The following ZNF407 variants were observed in gnomAD, a reference collection of about 807,000 sequenced individuals.
The protein encoded by ZNF407 is zinc finger protein 407.
A neutral mutation model predicts 131.2 loss-of-function variants in ZNF407; 17 were observed. That is an observed-to-expected ratio of 0.13 (90% CI 0.09 to 0.19). The LOEUF (loss-of-function observed/expected upper bound fraction) is 0.19, where lower values mean the gene tolerates loss of function less well. ZNF407 is among the 10% of genes least tolerant of loss of function. The probability of loss-of-function intolerance (pLI) is 1.00; values close to 1 mark genes in which losing one functional copy is unlikely to be tolerated. For missense variants in ZNF407, 2,681 were observed against 2,830.6 expected, an observed-to-expected ratio of 0.95 and a Z score of 1.20; for synonymous variants, 1,156 against 1,062.0, an observed-to-expected ratio of 1.09 and a Z score of -1.72.
At chr18:74,705,650 G>A (rs528821220) in intron 3 of ZNF407, among the ~76,000 whole-genome samples, 1 of 152,282 alleles carries the variant, frequency 6.6e-6, no homozygotes, top group Admixed American at 6.5e-5. Flanking sequence ...TTATGTTGAT[G>A]AAATTGGATT....
At position 74,664,266 on chromosome 18, in the gene ZNF407, G is replaced by A. The variant is rs1417267149; in HGVS notation, c.4802+23144G>A. On this transcript the variant is annotated intron_variant, in intron 3 of 8. Transcript: ENST00000299687. ...CCTATAATCAGCACTTCGGGAGGCC[G>A]AGGCGAGTGGATCACCTGAGGTCAG... is the stretch of plus-strand genomic sequence containing the variant. Among the ~76,000 whole-genome samples, 6 of 152,322 alleles carry A rather than the reference G, an allele frequency of 3.9e-5. No homozygotes were observed. The East Asian group carries it at 5.8e-4, about 15-fold the overall frequency.
intron 3 of ZNF407, among the ~76,000 whole-genome samples, chr18:74,649,599 T>C (rs1421758415): frequency 6.6e-6 from 1 of 152,206 alleles, no homozygotes; most frequent in Non-Finnish European, 1.5e-5. Context: ...ACTTACACTG[T>C]TGCCTGGTCC....
At chr18:74,771,794 G>GT (rs1161812887) in intron 3 of ZNF407, among the ~76,000 whole-genome samples, 3 of 151,182 alleles carry the variant, frequency 2.0e-5, no homozygotes, top group Non-Finnish European at 4.4e-5. Context: ...TTAATTTTTA[G>GT]TTTTTCTCTT....
intron 3 of ZNF407, among the ~76,000 whole-genome samples, chr18:74,719,339 A>G (rs188315684): frequency 1.3e-5 from 2 of 151,932 alleles, no homozygotes; most frequent in Non-Finnish European, 2.9e-5. Context: ...CCTTCCTCCT[A>G]CGCTTCCTAC....
chr18:74,645,258 G>T (rs911435589), intron 3 of ZNF407, among the ~76,000 whole-genome samples: 4 of 151,958 alleles, frequency 2.6e-5, no homozygotes, highest in African/African-American at 7.2e-5. Flanking sequence ...TATTGTTTTT[G>T]TTCTGCAGTG....
chr18:75,021,156 C>A (rs1453449045), intron 8 of ZNF407, among the ~76,000 whole-genome samples: 1 of 151,790 alleles, frequency 6.6e-6, no homozygotes, highest in Non-Finnish European at 1.5e-5. Flanking sequence ...TAAAAAGGTA[C>A]AAAAAAGCAA....
intron 3 of ZNF407, among the ~76,000 whole-genome samples, chr18:74,745,418 T>C (rs1466876292): frequency 6.6e-6 from 1 of 152,148 alleles, no homozygotes; most frequent in Non-Finnish European, 1.5e-5. Context: ...AATGTGAAGA[T>C]CAGATGTGAA....
intron 8 of ZNF407, among the ~76,000 whole-genome samples, chr18:74,978,068 T>A (rs1972548069): frequency 6.6e-6 from 1 of 152,226 alleles, no homozygotes; most frequent in Non-Finnish European, 1.5e-5. Flanking sequence ...CTTTTCATTT[T>A]TTATCAAATC....
At chr18:74,667,638 T>C (rs1221559048) in intron 3 of ZNF407, among the ~76,000 whole-genome samples, 2 of 152,192 alleles carry the variant, frequency 1.3e-5, no homozygotes, top group African/African-American at 4.8e-5. Context: ...CAAGTGTGCT[T>C]GTAGCTCATT....
chr18:75,015,244 C>T (rs562470489), intron 8 of ZNF407, among the ~76,000 whole-genome samples: 1 of 152,016 alleles, frequency 6.6e-6, no homozygotes, highest in South Asian at 2.1e-4. Context: ...TTGGACCCAA[C>T]AGTTATTAGT....
At position 75,064,282 on chromosome 18, in the gene ZNF407, C is replaced by A. The variant is rs763844075; in HGVS notation, c.6561C>A (p.Ser2187=). The A allele has an allele frequency of 3.7e-6, 6 of 1,604,638 alleles. No homozygotes were observed. In the South Asian group the frequency reaches 5.6e-5, roughly 15 times the overall value. The change falls in exon 9 of 9, where the codon TCC becomes TCA. Residue 2187 remains serine (S), a synonymous_variant. Transcript: ENST00000299687. ...TGCAGGACGAGCCGGGCCTGTACTC[C>A]CACACCGTGCTGGAGACTGCGGACT... ...PGVQDEPGLY[S]HTVLETADSQ...
intron 3 of ZNF407, among the ~76,000 whole-genome samples, chr18:74,667,560 C>T (rs1454504363): frequency 6.6e-6 from 1 of 152,156 alleles, no homozygotes; most frequent in Non-Finnish European, 1.5e-5. Context: ...ACAGCAGCTG[C>T]ATATGGTGGG....
At chr18:74,790,950 A>G (rs916774546) in intron 4 of ZNF407, among the ~76,000 whole-genome samples, 4 of 152,202 alleles carry the variant, frequency 2.6e-5, no homozygotes, top group African/African-American at 9.7e-5. Flanking sequence ...AAGTGTTTAC[A>G]TAGGTTATTT....
intron 3 of ZNF407, among the ~76,000 whole-genome samples, chr18:74,752,498 A>G (rs1968830318): frequency 6.6e-6 from 1 of 152,076 alleles, no homozygotes; most frequent in African/African-American, 2.4e-5. Flanking sequence ...TAGGGTTTTT[A>G]TGGTTTTAGG....
rs1440962789 is a variant in ZNF407, at chr18:74,703,614, C to T, written c.4802+62492C>T. Among the ~76,000 whole-genome samples, 2 of 152,160 alleles carry T rather than the reference C, an allele frequency of 1.3e-5. No homozygotes were observed. Among genetic ancestry groups the T allele is most frequent in the African/African-American group, 2.4e-5 (1 of 41,434 alleles). ...CTCCTGACCTCAGGTGATCTGCCCT[C>T]CTCGGCCTCCCAAAGTGCTGGGATT... On this transcript the variant is annotated intron_variant, in intron 3 of 8. Transcript: ENST00000299687. The surrounding 1 kb of genome is among the most constrained non-coding windows in gnomAD (Gnocchi z 4.1).
intron 8 of ZNF407, among the ~76,000 whole-genome samples, chr18:75,009,096 C>T (rs1216765606): frequency 6.6e-6 from 1 of 152,140 alleles, no homozygotes; most frequent in East Asian, 1.9e-4. Context: ...CCAGAATATA[C>T]TTTCAGGGAA....
At chr18:74,689,895 G>A (rs1026684094) in intron 3 of ZNF407, among the ~76,000 whole-genome samples, 1 of 152,278 alleles carries the variant, frequency 6.6e-6, no homozygotes, top group African/African-American at 2.4e-5. Flanking sequence ...GGCCCAGGTG[G>A]GATGCTGCCA....
At chr18:74,962,013 A>T (rs1462022927) in intron 8 of ZNF407, among the ~76,000 whole-genome samples, 1 of 152,252 alleles carries the variant, frequency 6.6e-6, no homozygotes, top group Non-Finnish European at 1.5e-5. Flanking sequence ...ACTAGTTTTC[A>T]TGGAAGTTTA....
intron 8 of ZNF407, among the ~76,000 whole-genome samples, chr18:75,013,909 A>G (rs1020889295): frequency 6.6e-6 from 1 of 152,150 alleles, no homozygotes. Context: ...CAGTGTATGC[A>G]GTACTGTTTC....
Sources: allele counts gnomAD v4.1 joint callset (sites outside exome capture counted in the v4.1 genomes callset), GRCh38; gene constraint gnomAD v4.1.1; non-coding constraint Gnocchi (gnomAD v3.1); transcripts MANE v1.5; gene names NCBI Gene and HGNC (gene_info 2026-07-23, HGNC 2026-07-21).